The following SH3GL2 variants were observed in gnomAD, a reference collection of about 807,000 sequenced individuals.
SH3GL2 encodes the protein SH3 domain containing GRB2 like 2, endophilin A1.
SH3GL2 carries 24 observed loss-of-function variants against 46.0 expected under a neutral mutation model. That is an observed-to-expected ratio of 0.52 (90% confidence interval 0.38 to 0.73). The LOEUF (loss-of-function observed/expected upper bound fraction) is 0.73, where lower values mean the gene tolerates loss of function less well. Ranked by LOEUF, SH3GL2 falls within the 30% of genes least tolerant of loss-of-function variation. The pLI is 0.00. For missense variants in SH3GL2, 413 were observed against 424.2 expected (o/e 0.97, Z 0.23); for synonymous variants, 196 against 147.1 (o/e 1.33, Z -2.40).
At chr9:17,717,601 A>C (rs1388380364) in intron 1 of SH3GL2, among the ~76,000 whole-genome samples, 1 of 152,120 alleles carries the variant, frequency 6.6e-6, no homozygotes, top group Admixed American at 6.6e-5. Context: ...CTCAGGATGC[A>C]GAAGAGAATA....
intron 1 of SH3GL2, among the ~76,000 whole-genome samples, chr9:17,670,168 G>A (rs12002301): frequency 0.04 from 6,127 of 152,134 alleles, 404 homozygotes; most frequent in African/African-American, 0.14. Flanking sequence ...GCTCAAAAAG[G>A]GGAGGTAGAA....
chr9:17,582,060 A>G (rs1438250475), intron 1 of SH3GL2, among the ~76,000 whole-genome samples: 2 of 152,184 alleles, frequency 1.3e-5, no homozygotes, highest in Admixed American at 1.3e-4. Context: ...TGCTTGTGTT[A>G]GTAAGCGATG....
At chr9:17,597,979 T>C (rs1429734988) in intron 1 of SH3GL2, among the ~76,000 whole-genome samples, 1 of 152,162 alleles carries the variant, frequency 6.6e-6, no homozygotes, top group African/African-American at 2.4e-5. Flanking sequence ...CCTGCCCCCG[T>C]GGAACTGGCA....
At chr9:17,760,494 T>C (rs1431534909) in intron 2 of SH3GL2, among the ~76,000 whole-genome samples, 1 of 152,104 alleles carries the variant, frequency 6.6e-6, no homozygotes, top group Non-Finnish European at 1.5e-5. Flanking sequence ...TATTATATAC[T>C]GGTATATATT....
chr9:17,757,022 C>T (rs1293240947), intron 2 of SH3GL2, among the ~76,000 whole-genome samples: 2 of 152,180 alleles, frequency 1.3e-5, no homozygotes, highest in Non-Finnish European at 2.9e-5. Flanking sequence ...ACCATTCTAA[C>T]TGGTGTGAGA....
At chr9:17,778,414 G>A (rs962827843) in intron 3 of SH3GL2, among the ~76,000 whole-genome samples, 1 of 152,148 alleles carries the variant, frequency 6.6e-6, no homozygotes, top group African/African-American at 2.4e-5. Flanking sequence ...TGAAGAGTAA[G>A]AGGGGGAGAG....
Position 17,591,773 on chromosome 9 carries a change from G to A in SH3GL2, c.45+12486G>A, listed in dbSNP as rs1416749492. The stretch of plus-strand genomic sequence containing the variant: ...AGCCTGGAACATTGCTAAGCTCATA[G>A]TGTCCAGTAAAACTGTGTCTACTGG... On this transcript the variant is annotated intron_variant, in intron 1 of 8. Coordinates refer to ENST00000380607, the MANE Select transcript of SH3GL2 (RefSeq NM_003026.5). Among the ~76,000 whole-genome samples, 7 of 152,200 alleles carry A rather than the reference G, an allele frequency of 4.6e-5. No individual in the cohort carries two copies. The East Asian group carries it at 1.2e-3, about 25-fold the overall frequency.
chr9:17,752,565 A>G (rs971006381), intron 2 of SH3GL2, among the ~76,000 whole-genome samples: 10 of 152,072 alleles, frequency 6.6e-5, no homozygotes, highest in Non-Finnish European at 1.2e-4. Context: ...TAGCTCAGTC[A>G]TAGCTCACTA....
intron 1 of SH3GL2, among the ~76,000 whole-genome samples, chr9:17,738,781 G>T (rs886788022): frequency 1.3e-5 from 2 of 151,886 alleles, no homozygotes; most frequent in African/African-American, 4.8e-5. Flanking sequence ...TGATGCTTCA[G>T]TCTAGAGGCA....
rs184467298 is a variant in SH3GL2 at position 17,767,562 on chromosome 9, G to T, written c.187+6053G>T. On this transcript the variant is annotated intron_variant, in intron 3 of 8. Coordinates refer to ENST00000380607, the MANE Select transcript of SH3GL2 (RefSeq NM_003026.5). ...TTTACTGTTTTTTCCTGGAGGACAG[G>T]ATAGCTTGTATTCATCTTTGCATCT... 3.8e-4 allele frequency among the ~76,000 whole-genome samples: 58 copies of T among 152,314 alleles called. 1 individual carries two copies. Among genetic ancestry groups the T allele is most frequent in the African/African-American group, 1.4e-3 (57 of 41,576 alleles).
chr9:17,626,956 A>G (rs1047499373), intron 1 of SH3GL2, among the ~76,000 whole-genome samples: 3 of 152,156 alleles, frequency 2.0e-5, no homozygotes, highest in South Asian at 4.1e-4. Flanking sequence ...TTCCCTGAGC[A>G]GGTCTGAGCC....
intron 1 of SH3GL2, among the ~76,000 whole-genome samples, chr9:17,737,324 A>C (rs1278364337): frequency 1.3e-5 from 2 of 152,270 alleles, no homozygotes; most frequent in East Asian, 1.9e-4. Context: ...CATGTTCTGC[A>C]CATGTATCCC....
chr9:17,738,348 C>T (rs1822402548), intron 1 of SH3GL2, among the ~76,000 whole-genome samples: 1 of 151,336 alleles, frequency 6.6e-6, no homozygotes, highest in Non-Finnish European at 1.5e-5. Flanking sequence ...TTTCTCTTTT[C>T]CTCCCTTTCC....
At chr9:17,695,766 A>G (rs964361111) in intron 1 of SH3GL2, among the ~76,000 whole-genome samples, 1 of 152,040 alleles carries the variant, frequency 6.6e-6, no homozygotes, top group African/African-American at 2.4e-5. Flanking sequence ...GCACAGAAAA[A>G]TCTATCCAGA....
intron 1 of SH3GL2, among the ~76,000 whole-genome samples, chr9:17,663,996 C>T (rs571736213): frequency 1.5e-4 from 23 of 151,904 alleles, no homozygotes; most frequent in African/African-American, 5.3e-4. Flanking sequence ...AAAATAATGT[C>T]GAGGGAGAAG....
At chr9:17,726,177 T>A (rs1456747393) in intron 1 of SH3GL2, among the ~76,000 whole-genome samples, 2 of 152,142 alleles carry the variant, frequency 1.3e-5, no homozygotes, top group African/African-American at 4.8e-5. Flanking sequence ...CAAGAGAGGA[T>A]CTGCTAATCT....
chr9:17,723,859 C>G (rs547241445), intron 1 of SH3GL2, among the ~76,000 whole-genome samples: 80 of 152,144 alleles, frequency 5.3e-4, no homozygotes, highest in African/African-American at 1.9e-3. Context: ...AAGAAGTCAT[C>G]TGTTCATCTT....
intron 1 of SH3GL2, among the ~76,000 whole-genome samples, chr9:17,707,558 C>G (rs961387141): frequency 6.6e-5 from 10 of 152,052 alleles, no homozygotes; most frequent in African/African-American, 2.2e-4. Context: ...GCTGTACTAA[C>G]TTTGTGCTAT....
chr9:17,657,176 G>C (rs991341413), intron 1 of SH3GL2, among the ~76,000 whole-genome samples: 3 of 152,200 alleles, frequency 2.0e-5, no homozygotes, highest in African/African-American at 7.2e-5. Context: ...GTGCCTGCTA[G>C]TTAGTTGCCA....
Sources: allele counts gnomAD v4.1 joint callset (sites outside exome capture counted in the v4.1 genomes callset), GRCh38; gene constraint gnomAD v4.1.1; transcripts MANE v1.5; gene names NCBI Gene and HGNC (gene_info 2026-07-23, HGNC 2026-07-21).